The following EPHA7 variants were observed in gnomAD, a reference collection of about 807,000 sequenced individuals.
The protein encoded by EPHA7 is ephrin type-A receptor 7.
In EPHA7, 25 loss-of-function variants were observed where a neutral mutation model predicts 112.6. That is an observed-to-expected ratio of 0.22 (90% confidence interval 0.16 to 0.31). The LOEUF (loss-of-function observed/expected upper bound fraction) is 0.31. Ranked by LOEUF, EPHA7 falls within the 10% of genes least tolerant of loss-of-function variation. The probability of loss-of-function intolerance (pLI) is 1.00; values close to 1 mark genes in which losing one functional copy is unlikely to be tolerated. For missense variants in EPHA7, 962 were observed against 1,212.6 expected, an observed-to-expected ratio of 0.79 and a Z score of 3.07; for synonymous variants, 437 against 406.5, an observed-to-expected ratio of 1.07 and a Z score of -0.90.
chr6:93,256,173 C>A, intron 12 of EPHA7, 136 bp from the exon 13 acceptor site: 2 of 679,112 alleles, frequency 2.9e-6, no homozygotes, highest in Non-Finnish European at 4.8e-6. Flanking sequence ...AATATGGATA[C>A]CTGTGGAAAA....
intron 5 of EPHA7, among the ~76,000 whole-genome samples, chr6:93,277,388 TA>T (rs1771520075): frequency 6.6e-6 from 1 of 151,990 alleles, no homozygotes; most frequent in Non-Finnish European, 1.5e-5. Flanking sequence ...TAGACATACA[TA>T]AAAAATGCTA....
chr6:93,242,380 C>A lies in EPHA7; in HGVS notation c.*1046G>T, dbSNP rs950883523. Reference sequence around the variant, plus strand: ...AGTTATAATATAAAACAATTATTTCCTTTCATGTTTGGACTGCATTCAACA... The same window carrying A: ...AGTTATAATATAAAACAATTATTTCATTTCATGTTTGGACTGCATTCAACA... On this transcript the variant is annotated 3_prime_UTR_variant, in exon 17 of 17. Transcript: ENST00000369303. 1.5e-5 allele frequency: 3 copies of A among 197,140 alleles called. No homozygotes were observed. The highest frequency in any genetic ancestry group is 3.2e-5 in the Non-Finnish European group (3 of 94,832). 12.2% of individuals were successfully genotyped at this position (197,140 alleles called of 1,614,324 possible).
At chr6:93,343,439 G>GTT (rs1339828928) in intron 5 of EPHA7, among the ~76,000 whole-genome samples, 1 of 151,600 alleles carries the variant, frequency 6.6e-6, no homozygotes, top group Non-Finnish European at 1.5e-5. Flanking sequence ...GATATACAGG[G>GTT]TTTGTGTTTG....
intron 5 of EPHA7, among the ~76,000 whole-genome samples, chr6:93,298,804 TA>T (rs1382187159): frequency 5.3e-5 from 8 of 152,168 alleles, no homozygotes; most frequent in African/African-American, 1.4e-4. Context: ...CAATACTTTC[TA>T]CCTAAATAAG....
chr6:93,365,666 G>A (rs1202371267), intron 3 of EPHA7, among the ~76,000 whole-genome samples: 1 of 152,080 alleles, frequency 6.6e-6, no homozygotes, highest in African/African-American at 2.4e-5. Flanking sequence ...CGAGCAGGGA[G>A]GATAAAAACA....
At chr6:93,371,037 G>A (rs1776768398) in intron 3 of EPHA7, among the ~76,000 whole-genome samples, 1 of 151,424 alleles carries the variant, frequency 6.6e-6, no homozygotes, top group Non-Finnish European at 1.5e-5. Flanking sequence ...GGCGGCGGGA[G>A]CCTGTAGTCC....
At chr6:93,403,026 A>G (rs187382241) in intron 3 of EPHA7, among the ~76,000 whole-genome samples, 1 of 152,200 alleles carries the variant, frequency 6.6e-6, no homozygotes, top group Admixed American at 6.6e-5. Context: ...TTATCTTCAC[A>G]TGAATAAATT....
rs1368980687 is a variant in EPHA7 at position 93,272,534 on chromosome 6, A to G, written c.1325-112T>C. 3.8e-6 allele frequency: 5 copies of G among 1,318,266 alleles called. No homozygotes were observed. The East Asian group carries it at 1.2e-4, about 31-fold the overall frequency. The allele number at this position is 1,318,266 out of a possible 1,614,324, so 81.7% of individuals were successfully genotyped here. A position where few individuals can be genotyped will look rare whatever the true frequency, so the allele number is the denominator to read the frequency against. ...TGCCAGTTTCATTAAGGTAAAAGAA[A>G]GCACCTTTTCATAGCTCACAATTCA... On this transcript the variant is annotated intron_variant, in intron 5 of 16. Transcript: ENST00000369303.
chr6:93,260,116 G>A (rs186703499), intron 9 of EPHA7, among the ~76,000 whole-genome samples: 1 of 151,954 alleles, frequency 6.6e-6, no homozygotes, highest in Non-Finnish European at 1.5e-5. Flanking sequence ...TATACAAAAT[G>A]CAGAGTAAAG....
chr6:93,399,004 T>A (rs1778311858), intron 3 of EPHA7, among the ~76,000 whole-genome samples: 3 of 152,104 alleles, frequency 2.0e-5, no homozygotes. Context: ...TAACATGTGT[T>A]AATTTTAAAA....
chr6:93,376,223 G>C (rs1202122378), intron 3 of EPHA7, among the ~76,000 whole-genome samples: 1 of 151,978 alleles, frequency 6.6e-6, no homozygotes, highest in Admixed American at 6.6e-5. Flanking sequence ...ATTCACTGTA[G>C]CCTCAATTGC....
chr6:93,281,300 G>C (rs959975001), intron 5 of EPHA7, among the ~76,000 whole-genome samples: 1 of 151,966 alleles, frequency 6.6e-6, no homozygotes, highest in Non-Finnish European at 1.5e-5. Flanking sequence ...AGAAATACAC[G>C]GATGAAGTAA....
chr6:93,251,975 G>T (rs1452985181), intron 14 of EPHA7, among the ~76,000 whole-genome samples: 1 of 151,960 alleles, frequency 6.6e-6, no homozygotes, highest in Non-Finnish European at 1.5e-5. Context: ...ATACAAATGA[G>T]TGCCCATTCA....
At chr6:93,303,593 G>T (rs913300882) in intron 5 of EPHA7, among the ~76,000 whole-genome samples, 1 of 151,994 alleles carries the variant, frequency 6.6e-6, no homozygotes, top group Non-Finnish European at 1.5e-5. Context: ...TCATTTCTAA[G>T]AAACAACATG....
At chr6:93,311,295 C>G (rs1374784187) in intron 5 of EPHA7, among the ~76,000 whole-genome samples, 1 of 151,882 alleles carries the variant, frequency 6.6e-6, no homozygotes, top group Non-Finnish European at 1.5e-5. Context: ...AGCAGAAGTT[C>G]TTTCAAAATT....
intron 3 of EPHA7, among the ~76,000 whole-genome samples, chr6:93,378,287 T>C (rs1777160760): frequency 6.6e-6 from 1 of 152,040 alleles, no homozygotes; most frequent in Admixed American, 6.6e-5. Flanking sequence ...TGTTGTTTTT[T>C]CTAAGAGGAA....
At chr6:93,295,524 C>A (rs1018997796) in intron 5 of EPHA7, among the ~76,000 whole-genome samples, 2 of 151,308 alleles carry the variant, frequency 1.3e-5, no homozygotes, top group South Asian at 2.1e-4. Flanking sequence ...TACTTAAATA[C>A]ATATGACAAA....
chr6:93,277,371 G>A (rs935048983), intron 5 of EPHA7, among the ~76,000 whole-genome samples: 3 of 151,918 alleles, frequency 2.0e-5, no homozygotes, highest in African/African-American at 7.2e-5. Context: ...TCTATTTCTA[G>A]AGTATGTAGA....
At chr6:93,333,345 CA>C (rs1774698951) in intron 5 of EPHA7, among the ~76,000 whole-genome samples, 1 of 151,980 alleles carries the variant, frequency 6.6e-6, no homozygotes, top group Non-Finnish European at 1.5e-5. Context: ...CTGTGACGAA[CA>C]TACGCATGCA....
Sources: allele counts gnomAD v4.1 joint callset (sites outside exome capture counted in the v4.1 genomes callset), GRCh38; gene constraint gnomAD v4.1.1; transcripts MANE v1.5; gene names NCBI Gene and HGNC (gene_info 2026-07-23, HGNC 2026-07-21).